TMEM132D: variants seen among roughly 807,000 people sequenced by gnomAD.
The protein encoded by TMEM132D is mature OL transmembrane protein.
TMEM132D carries 21 observed loss-of-function variants against 62.3 expected under a neutral mutation model. That is an observed-to-expected ratio of 0.34 (90% confidence interval 0.24 to 0.49). TMEM132D has a LOEUF of 0.49. Ranked by LOEUF, TMEM132D falls within the 20% of genes least tolerant of loss-of-function variation. The pLI is 0.99. For synonymous variants in TMEM132D, 621 were observed against 575.6 expected, an observed-to-expected ratio of 1.08 and a Z score of -1.13; for missense variants, 1,346 against 1,402.8, an observed-to-expected ratio of 0.96 and a Z score of 0.65.
rs1422685042 is a variant in TMEM132D at position 129,371,672 on chromosome 12, T to C, written c.1116-33855A>G. ...ATGGTGATGGTTATGATGGTGTGGA[T>C]GATGATGATGGTGACAATGATGATG... On this transcript the variant is annotated intron_variant, in intron 3 of 8. Transcript: ENST00000422113. This position sits in a 1 kb window ranked among gnomAD's most constrained non-coding sequence, Gnocchi z 4.3. Among the ~76,000 whole-genome samples, 1 of 151,876 alleles carries C rather than the reference T, an allele frequency of 6.6e-6. No individual in the cohort carries two copies. The highest frequency in any genetic ancestry group is 1.5e-5 in the Non-Finnish European group (1 of 67,954).
At position 129,868,778 on chromosome 12, in the gene TMEM132D, G is replaced by A. The variant is rs538156828; in HGVS notation, c.79+34483C>T. On this transcript the variant is annotated intron_variant, in intron 1 of 8. Coordinates refer to ENST00000422113, the MANE Select transcript of TMEM132D (RefSeq NM_133448.3). Reference sequence around the variant, plus strand: ...TCCAGCTGCTTGCGATGCAAGGAACGCGGCCTCTCTTCCCACCCTGCCCCC... The same window carrying A: ...TCCAGCTGCTTGCGATGCAAGGAACACGGCCTCTCTTCCCACCCTGCCCCC... 2.2e-3 allele frequency among the ~76,000 whole-genome samples: 342 copies of A among 152,248 alleles called. 3 individuals carry two copies. The highest frequency in any genetic ancestry group is 3.5e-3 in the South Asian group (17 of 4,824).
chr12:129,233,514 A>G (rs184633463), intron 4 of TMEM132D, among the ~76,000 whole-genome samples: 91 of 152,338 alleles, frequency 6.0e-4, no homozygotes, highest in African/African-American at 2.1e-3. Context: ...GCTCCCTCGT[A>G]TGTTGGAGGA....
chr12:129,731,667 A>ATTT lies in TMEM132D; in HGVS notation c.80-30972_80-30970dup, dbSNP rs34137135. Among the ~76,000 whole-genome samples the ATTT allele has an allele frequency of 6.7e-3, 1,000 of 148,964 alleles. 9 individuals carry two copies. Among genetic ancestry groups the ATTT allele is most frequent in the African/African-American group, 0.024 (968 of 40,664 alleles). On this transcript the variant is annotated intron_variant, in intron 1 of 8. Transcript: ENST00000422113. ...GTTTTCAGACTTGAAGCCACTGGAA[A>ATTT]TTTTTTTTTTTTTGAGACGGAGTCT...
chr12:129,348,584 G>A (rs182870878), intron 3 of TMEM132D, among the ~76,000 whole-genome samples: 1 of 152,118 alleles, frequency 6.6e-6, no homozygotes. Flanking sequence ...GGGAGAGCAT[G>A]AGGACAAATA....
At chr12:129,596,522 G>A (rs1878341733) in intron 2 of TMEM132D, among the ~76,000 whole-genome samples, 1 of 152,134 alleles carries the variant, frequency 6.6e-6, no homozygotes, top group Non-Finnish European at 1.5e-5. Flanking sequence ...ACCAAAATCT[G>A]AGGATGCTCA....
intron 1 of TMEM132D, among the ~76,000 whole-genome samples, chr12:129,751,324 T>C (rs754732400): frequency 3.9e-5 from 6 of 152,164 alleles, no homozygotes; most frequent in Non-Finnish European, 8.8e-5. Flanking sequence ...TGACGCACTT[T>C]GAAACCATCA....
chr12:129,576,208 T>A (rs1877654726), intron 2 of TMEM132D, among the ~76,000 whole-genome samples: 1 of 151,960 alleles, frequency 6.6e-6, no homozygotes, highest in Non-Finnish European at 1.5e-5. Flanking sequence ...TCCGCGATAA[T>A]GCTGCCCGAA....
intron 1 of TMEM132D, among the ~76,000 whole-genome samples, chr12:129,715,874 C>T (rs1413350442): frequency 6.6e-6 from 1 of 152,200 alleles, no homozygotes; most frequent in Non-Finnish European, 1.5e-5. Flanking sequence ...TGAGCTCTCT[C>T]CTGCCAGGCA....
At chr12:129,216,950 A>C (rs2135571300) in intron 4 of TMEM132D, among the ~76,000 whole-genome samples, 1 of 152,264 alleles carries the variant, frequency 6.6e-6, no homozygotes, top group East Asian at 1.9e-4. Flanking sequence ...AGTTAAATTG[A>C]CTTATTTAAA....
chr12:129,340,805 C>T (rs2135661213), intron 3 of TMEM132D, among the ~76,000 whole-genome samples: 3 of 152,322 alleles, frequency 2.0e-5, no homozygotes, highest in Middle Eastern at 6.8e-3. Flanking sequence ...TTTATTGCGG[C>T]ACTATTCACA....
At chr12:129,800,452 A>G (rs987898397) in intron 1 of TMEM132D, among the ~76,000 whole-genome samples, 2 of 151,910 alleles carry the variant, frequency 1.3e-5, no homozygotes, top group Admixed American at 6.5e-5. Flanking sequence ...GGTGCTCTGG[A>G]GATGAGAGTC....
chr12:129,819,718 C>T (rs1287282947), intron 1 of TMEM132D, among the ~76,000 whole-genome samples: 1 of 152,178 alleles, frequency 6.6e-6, no homozygotes, highest in Non-Finnish European at 1.5e-5. Context: ...GTGTTAGTTG[C>T]TGCTGGTACT....
chr12:129,769,274 G>GGGGAGGCCTCACAATCATGGC (rs1870651958), intron 1 of TMEM132D, among the ~76,000 whole-genome samples: 1 of 152,154 alleles, frequency 6.6e-6, no homozygotes, highest in Admixed American at 6.6e-5. Flanking sequence ...CCACATGGCT[G>GGGGAGGCCTCACAATCATGGC]GGGAGGCCTC....
At chr12:129,261,588 A>G (rs1647347109) in intron 4 of TMEM132D, among the ~76,000 whole-genome samples, 1 of 152,136 alleles carries the variant, frequency 6.6e-6, no homozygotes, top group Admixed American at 6.6e-5. Context: ...TACAGACTGG[A>G]TGATTTGAAC....
At chr12:129,296,321 G>A (rs547128151) in intron 4 of TMEM132D, among the ~76,000 whole-genome samples, 1 of 152,274 alleles carries the variant, frequency 6.6e-6, no homozygotes, top group Non-Finnish European at 1.5e-5. Context: ...GCTTGGTGAG[G>A]TTAAATGGTT....
intron 1 of TMEM132D, among the ~76,000 whole-genome samples, chr12:129,728,370 G>C (rs566239966): frequency 2.6e-5 from 4 of 152,184 alleles, no homozygotes; most frequent in Non-Finnish European, 5.9e-5. Context: ...GCTTCTGAGT[G>C]AGAACAGCAT....
chr12:129,517,103 T>C (rs2137078167), intron 3 of TMEM132D, among the ~76,000 whole-genome samples: 1 of 152,248 alleles, frequency 6.6e-6, no homozygotes, highest in East Asian at 1.9e-4. Context: ...AACCTATATA[T>C]TGACAAGCTA....
intron 2 of TMEM132D, among the ~76,000 whole-genome samples, chr12:129,615,158 C>T (rs965142500): frequency 1.3e-5 from 2 of 152,090 alleles, no homozygotes; most frequent in Admixed American, 1.3e-4. Flanking sequence ...AATTTGGATT[C>T]TGTCTGGAAA....
intron 5 of TMEM132D, among the ~76,000 whole-genome samples, chr12:129,186,942 G>T (rs573060384): frequency 6.6e-6 from 1 of 152,304 alleles, no homozygotes; most frequent in African/African-American, 2.4e-5. Flanking sequence ...AAAATATGAG[G>T]TAAATCATAA....
Sources: gnomAD v4.1 joint callset for allele counts (sites outside exome capture counted in the v4.1 genomes callset) on GRCh38, gnomAD v4.1.1 for gene constraint, Gnocchi (gnomAD v3.1) non-coding constraint, MANE v1.5 for transcripts, NCBI Gene and HGNC (gene_info 2026-07-23, HGNC 2026-07-21) for gene names.